The following SPIDR variants were observed in gnomAD, a reference collection of about 807,000 sequenced individuals.
SPIDR encodes the protein DNA repair-scaffolding protein.
In SPIDR, 93 loss-of-function variants were observed where a neutral mutation model predicts 104.6. That is an observed-to-expected ratio of 0.89 (90% CI 0.75 to 1.06). The LOEUF is 1.06. Among genes scored for constraint, SPIDR ranks in the 50% least tolerant of loss-of-function variants. The pLI is 0.00. For synonymous variants in SPIDR, 431 were observed against 416.9 expected (o/e 1.03, Z -0.41); for missense variants, 1,154 against 1,111.2 (o/e 1.04, Z -0.55).
chr8:47,625,471 T>C (rs2065908796), intron 10 of SPIDR, among the ~76,000 whole-genome samples: 1 of 152,222 alleles, frequency 6.6e-6, no homozygotes, highest in South Asian at 2.1e-4. Context: ...ATGACATGAT[T>C]GCATATCTAG....
At chr8:47,432,585 CAAG>C (rs2067556272) in intron 7 of SPIDR, among the ~76,000 whole-genome samples, 2 of 152,026 alleles carry the variant, frequency 1.3e-5, no homozygotes, top group African/African-American at 2.4e-5. Context: ...GAGGTATAAA[CAAG>C]AAGTACAGTG....
rs57405701 is a variant in SPIDR, at chr8:47,640,841, CTTTTTTTTTTTTTTTTTTTTTTTT to C, written c.1545-32939_1545-32916del. Among the ~76,000 whole-genome samples, 61 of 41,302 alleles carry C rather than the reference CTTTTTTTTTTTTTTTTTTTTTTTT, an allele frequency of 1.5e-3. 1 individual carries two copies. The highest frequency in any genetic ancestry group is 2.2e-3 in the Admixed American group (5 of 2,250). The allele number at this position is 41,302 out of a possible 152,430, so 27.1% of individuals were successfully genotyped here. Reference sequence around the variant, plus strand: ...TACAGGTACACACTGCCACACCCAGCTTTTTTTTTTTTTTTTTTTTTTTTTTTTTTTTTTTTTTTTTTTTGTATT... The same window carrying C: ...TACAGGTACACACTGCCACACCCAGCTTTTTTTTTTTTTTTTTTTTGTATT... On this transcript the variant is annotated intron_variant, in intron 10 of 19. Coordinates refer to ENST00000297423, the MANE Select transcript of SPIDR (RefSeq NM_001080394.4).
chr8:47,595,871 G>GA lies in SPIDR; in HGVS notation c.1161dup (p.Val388SerfsTer12). ...TTATTCTGAATACTTACTTTTGTGA[G>GA]AAAGTTGTTGCCAAAGAAGATTCAG... On this transcript the variant is annotated frameshift_variant, in exon 9 of 20. Transcript: ENST00000297423. LOFTEE classifies it high-confidence loss of function. 1 of 1,614,196 alleles carries GA rather than the reference G, an allele frequency of 6.2e-7. No individual in the cohort carries two copies. The highest frequency in any genetic ancestry group is 8.5e-7 in the Non-Finnish European group (1 of 1,180,022).
intron 8 of SPIDR, among the ~76,000 whole-genome samples, chr8:47,492,733 C>T (rs1245526985): frequency 6.6e-6 from 1 of 152,112 alleles, no homozygotes; most frequent in Non-Finnish European, 1.5e-5. Flanking sequence ...CCGTATTGCT[C>T]GTCTGTTCAG....
chr8:47,443,724 C>T (rs1220603554), intron 8 of SPIDR, among the ~76,000 whole-genome samples: 1 of 151,428 alleles, frequency 6.6e-6, no homozygotes, highest in Non-Finnish European at 1.5e-5. Flanking sequence ...CCACTAGCAC[C>T]CTTCTGTGTT....
intron 17 of SPIDR, among the ~76,000 whole-genome samples, chr8:47,728,056 G>T (rs933687831): frequency 6.6e-6 from 1 of 151,942 alleles, no homozygotes; most frequent in Non-Finnish European, 1.5e-5. Context: ...GTCAGAGGTT[G>T]CAGTGAGCCG....
chr8:47,734,964 G>A (rs1225286699), intron 19 of SPIDR, among the ~76,000 whole-genome samples: 1 of 152,196 alleles, frequency 6.6e-6, no homozygotes, highest in Non-Finnish European at 1.5e-5. Context: ...GGAAGTGGGA[G>A]ACAGCTGTGG....
chr8:47,593,207 A>G (rs1272108040), intron 8 of SPIDR, among the ~76,000 whole-genome samples: 1 of 151,588 alleles, frequency 6.6e-6, no homozygotes, highest in African/African-American at 2.4e-5. Context: ...TTTTTTTTTA[A>G]GTCTGTTTTC....
chr8:47,363,298 C>T (rs1373781322), intron 5 of SPIDR, among the ~76,000 whole-genome samples: 5 of 147,540 alleles, frequency 3.4e-5, no homozygotes, highest in African/African-American at 1.3e-4. Flanking sequence ...CTGTGCCTCC[C>T]GGGTTCACAC....
chr8:47,415,528 A>C lies in SPIDR; in HGVS notation c.877+7567A>C, dbSNP rs924651179. 5.3e-5 allele frequency among the ~76,000 whole-genome samples: 8 copies of C among 152,244 alleles called. No individual in the cohort carries two copies. In the South Asian group the frequency reaches 1.7e-3, roughly 32 times the overall value. ...TAATCACCAGTTTGTTGGTATTAGG[A>C]GGTAAGTAAGGCTTTTGGAAAGTGA... On this transcript the variant is annotated intron_variant, in intron 7 of 19. Transcript: ENST00000297423.
chr8:47,413,152 A>G (rs1588380859), intron 7 of SPIDR, among the ~76,000 whole-genome samples: 4 of 152,264 alleles, frequency 2.6e-5, no homozygotes, highest in Admixed American at 2.0e-4. Context: ...AAAGAGGAGC[A>G]TGGCACACAG....
chr8:47,313,016 T>C (rs1200806656), intron 5 of SPIDR, among the ~76,000 whole-genome samples: 2 of 152,132 alleles, frequency 1.3e-5, no homozygotes, highest in Admixed American at 1.3e-4. Flanking sequence ...AGGGATGCCC[T>C]CTCTCACCAC....
At chr8:47,643,606 T>A (rs1324002623) in intron 10 of SPIDR, among the ~76,000 whole-genome samples, 3 of 152,116 alleles carry the variant, frequency 2.0e-5, no homozygotes, top group African/African-American at 7.2e-5. Flanking sequence ...GCTCAAGTGA[T>A]CCTCCCACCT....
At chr8:47,263,895 C>T (rs2033222920) in intron 1 of SPIDR, among the ~76,000 whole-genome samples, 1 of 152,212 alleles carries the variant, frequency 6.6e-6, no homozygotes, top group Non-Finnish European at 1.5e-5. Flanking sequence ...TTTGTGTCTA[C>T]ACCTTTATTC....
At chr8:47,668,401 A>C (rs181491828) in intron 10 of SPIDR, among the ~76,000 whole-genome samples, 3 of 152,288 alleles carry the variant, frequency 2.0e-5, no homozygotes, top group East Asian at 3.9e-4. Context: ...TTAACGTGTT[A>C]AAGGGGGAAG....
intron 8 of SPIDR, among the ~76,000 whole-genome samples, chr8:47,561,465 C>G (rs947418505): frequency 6.6e-6 from 1 of 152,202 alleles, no homozygotes; most frequent in African/African-American, 2.4e-5. Context: ...TACACTGTGT[C>G]CAGATTTCAC....
chr8:47,456,836 T>A (rs547203481), intron 8 of SPIDR, among the ~76,000 whole-genome samples: 70 of 152,294 alleles, frequency 4.6e-4, no homozygotes, highest in South Asian at 3.9e-3. Context: ...CTCCCACTTA[T>A]GAGTGAGAAC....
In SPIDR at chr8:47,601,555, A is replaced by G. The variant is rs144732819; in HGVS notation, c.1544+2359A>G. 9.3e-3 allele frequency among the ~76,000 whole-genome samples: 1,413 copies of G among 152,294 alleles called. 25 individuals carry two copies. Among genetic ancestry groups the G allele is most frequent in the African/African-American group, 0.032 (1,314 of 41,574 alleles). On this transcript the variant is annotated intron_variant, in intron 10 of 19. Transcript: ENST00000297423. Reference sequence around the variant, plus strand: ...CTAAAAATACGAAAATTAGTTGGGCATGGTGGTGCGTGCCTGCAGTCCCAG... The same window carrying G: ...CTAAAAATACGAAAATTAGTTGGGCGTGGTGGTGCGTGCCTGCAGTCCCAG...
chr8:47,263,716 G>A (rs1563426560), intron 1 of SPIDR, among the ~76,000 whole-genome samples: 1 of 151,978 alleles, frequency 6.6e-6, no homozygotes, highest in Non-Finnish European at 1.5e-5. Context: ...TTCTTGGTTT[G>A]GAATAATGCC....
Sources: allele counts gnomAD v4.1 joint callset (sites outside exome capture counted in the v4.1 genomes callset), GRCh38; gene constraint gnomAD v4.1.1; transcripts MANE v1.5; gene names NCBI Gene and HGNC (gene_info 2026-07-23, HGNC 2026-07-21).